The following ACOT11 variants were observed in gnomAD, a reference collection of about 807,000 sequenced individuals.
The protein encoded by ACOT11 is acyl-CoA thioesterase 11, also known as acyl-coenzyme A thioesterase 11.
Under a neutral mutation model 77.5 loss-of-function variants are expected in ACOT11, and 69 were observed. The observed-to-expected ratio is 0.89, with a 90% CI of 0.73 to 1.09. ACOT11 has a LOEUF of 1.09. Among genes scored for constraint, ACOT11 ranks in the 50% least tolerant of loss-of-function variants. The pLI is 0.00. For missense variants in ACOT11, 766 were observed against 813.7 expected (o/e 0.94, Z 0.71); for synonymous variants, 279 against 313.0 (o/e 0.89, Z 1.15).
chr1:54,611,165 G>GA, downstream of ACOT11: 2 of 490,670 alleles, frequency 4.1e-6, no homozygotes, highest in Non-Finnish European at 2.6e-6. Context: ...TCAGGCAGGT[G>GA]GCTCATGCCT....
chr1:54,602,261 G>A (rs1206419314), intron 9 of ACOT11, among the ~76,000 whole-genome samples: 2 of 152,218 alleles, frequency 1.3e-5, no homozygotes, highest in Non-Finnish European at 2.9e-5. Flanking sequence ...TTCCTCCTCT[G>A]TAGAATGGAT....
At chr1:54,573,031 A>G (rs2100964384) in intron 1 of ACOT11, 1 of 985,456 alleles carries the variant, frequency 1.0e-6, no homozygotes, top group Non-Finnish European at 1.2e-6. Context: ...ACCCTGGACC[A>G]TGCTGGAAAA....
intron 1 of ACOT11, among the ~76,000 whole-genome samples, chr1:54,573,649 C>T (rs1426068781): frequency 6.6e-6 from 1 of 152,240 alleles, no homozygotes; most frequent in Non-Finnish European, 1.5e-5. Context: ...AGGAGAATAG[C>T]TTGAACCCCG....
intron 1 of ACOT11, among the ~76,000 whole-genome samples, chr1:54,552,955 G>A (rs1318472434): frequency 6.6e-6 from 1 of 150,920 alleles, no homozygotes; most frequent in Non-Finnish European, 1.5e-5. Context: ...AGCCTCCCAA[G>A]TAGCTGGGAT....
intron 7 of ACOT11, 131 bp downstream of exon 7, chr1:54,597,546 C>T: frequency 8.3e-7 from 1 of 1,200,326 alleles, no homozygotes; most frequent in African/African-American, 1.5e-5. Context: ...TGTTCTGAAT[C>T]AGAGAAATGA....
intron 16 of ACOT11, among the ~76,000 whole-genome samples, chr1:54,634,444 A>G (rs1644319492): frequency 6.6e-6 from 1 of 152,228 alleles, no homozygotes; most frequent in Admixed American, 6.5e-5. Context: ...TGATATGCCT[A>G]TTAATGGGAT....
At chr1:54,586,315 C>T (rs1654498374) in intron 3 of ACOT11, among the ~76,000 whole-genome samples, 1 of 48,058 alleles carries the variant, frequency 2.1e-5, no homozygotes, top group African/African-American at 3.9e-4. Flanking sequence ...GTAGGGAGGC[C>T]CCCTAGACAA....
At chr1:54,552,675 C>T (rs1040854749) in intron 1 of ACOT11, among the ~76,000 whole-genome samples, 1 of 151,994 alleles carries the variant, frequency 6.6e-6, no homozygotes, top group African/African-American at 2.4e-5. Flanking sequence ...TTAGTAGAGA[C>T]GGGGTTTCAC....
intron 15 of ACOT11, among the ~76,000 whole-genome samples, chr1:54,625,460 C>T (rs535966349): frequency 6.6e-6 from 1 of 152,228 alleles, no homozygotes; most frequent in Admixed American, 6.5e-5. Context: ...CAAATGCTAA[C>T]TGGGCCTCAC....
In ACOT11 at chr1:54,599,426, G is replaced by A. The variant is rs199766843; in HGVS notation, c.884+11G>A. ...TGCCTTCAAACATAGGTGAGGGTCT[G>A]GGATGGGTGCGGCCACGTCCATTCA... On this transcript the variant is annotated intron_variant, in intron 8 of 15. Transcript: ENST00000343744. 1.3e-6 allele frequency: 2 copies of A among 1,597,700 alleles called. No homozygotes were observed. The highest frequency in any genetic ancestry group is 2.7e-5 in the African/African-American group (2 of 74,596).
chr1:54,560,921 C>A (rs1653452401), intron 1 of ACOT11, among the ~76,000 whole-genome samples: 3 of 152,006 alleles, frequency 2.0e-5, no homozygotes, highest in African/African-American at 7.2e-5. Context: ...CGGGGTTTCA[C>A]CATGTTGGCC....
At chr1:54,618,844 C>CTTT (rs1173467456) in intron 15 of ACOT11, among the ~76,000 whole-genome samples, 2 of 151,920 alleles carry the variant, frequency 1.3e-5, no homozygotes, top group African/African-American at 4.8e-5. Flanking sequence ...GTTATTTGAT[C>CTTT]TTTTTTTGCC....
At chr1:54,549,800 G>A (rs975491491) in intron 1 of ACOT11, among the ~76,000 whole-genome samples, 1 of 152,198 alleles carries the variant, frequency 6.6e-6, no homozygotes, top group Non-Finnish European at 1.5e-5. Flanking sequence ...TGAGTAGCAG[G>A]GCCGCTTGCT....
chr1:54,605,014 C>T (rs1233238763), intron 12 of ACOT11, 62 bp from the exon 13 acceptor site: 3 of 1,534,494 alleles, frequency 2.0e-6, no homozygotes, highest in East Asian at 2.3e-5. Context: ...GTCTCAGCCT[C>T]CAGCATCCCC....
At chr1:54,570,278 T>C (rs529886668) in intron 1 of ACOT11, among the ~76,000 whole-genome samples, 26 of 152,230 alleles carry the variant, frequency 1.7e-4, no homozygotes, top group Non-Finnish European at 3.4e-4. Context: ...TTCCACATCT[T>C]GATTCTTGGT....
In ACOT11 at chr1:54,607,312, G is replaced by A. The variant is rs1224128556; in HGVS notation, c.1502+47G>A. 6.2e-7 allele frequency: 1 copy of A among 1,600,430 alleles called. No individual in the cohort carries two copies. Among genetic ancestry groups the A allele is most frequent in the Non-Finnish European group, 8.6e-7 (1 of 1,169,308 alleles). ...GGTGGGGGACACAACTGGACAGGGTGGTAGGGTGGCCGCTTCTCCCTCCCA... is the reference window on the plus strand; with the variant it reads ...GGTGGGGGACACAACTGGACAGGGTAGTAGGGTGGCCGCTTCTCCCTCCCA... On this transcript the variant is annotated intron_variant, in intron 14 of 15. Coordinates refer to ENST00000343744, the MANE Select transcript of ACOT11 (RefSeq NM_147161.4). The surrounding 1 kb of genome is among the most constrained non-coding windows in gnomAD (Gnocchi z 4.5).
chr1:54,549,813 T>C (rs903226907), intron 1 of ACOT11, among the ~76,000 whole-genome samples: 1 of 152,238 alleles, frequency 6.6e-6, no homozygotes, highest in African/African-American at 2.4e-5. Context: ...CGCTTGCTCT[T>C]GTCACCTGAG....
At chr1:54,587,576 T>TTTTTTG (rs1654550316) in intron 3 of ACOT11, among the ~76,000 whole-genome samples, 1 of 143,812 alleles carries the variant, frequency 7.0e-6, no homozygotes, top group Non-Finnish European at 1.5e-5. Context: ...TTTTTTTTTT[T>TTTTTTG]GAGACAGAGT....
chr1:54,565,965 C>CCCCT (rs1340610176), intron 1 of ACOT11, among the ~76,000 whole-genome samples: 1 of 152,160 alleles, frequency 6.6e-6, no homozygotes, highest in Non-Finnish European at 1.5e-5. Flanking sequence ...TCCTCTCTTC[C>CCCCT]CCCTCCCTCC....
Sources: gnomAD v4.1 joint callset for allele counts (sites outside exome capture counted in the v4.1 genomes callset) on GRCh38, gnomAD v4.1.1 for gene constraint, Gnocchi (gnomAD v3.1) non-coding constraint, MANE v1.5 for transcripts, NCBI Gene and HGNC (gene_info 2026-07-23, HGNC 2026-07-21) for gene names.